The following STK31 variants were observed in gnomAD, a reference collection of about 807,000 sequenced individuals.
The protein encoded by STK31 is serine/threonine-protein kinase 31.
In STK31, 89 loss-of-function variants were observed where a neutral mutation model predicts 129.7. The observed-to-expected ratio is 0.69, with a 90% CI of 0.58 to 0.82. STK31 has a LOEUF of 0.82. Ranked by LOEUF, STK31 falls within the 40% of genes least tolerant of loss-of-function variation. The pLI is 0.00. For synonymous variants in STK31, 448 were observed against 395.3 expected, an observed-to-expected ratio of 1.13 and a Z score of -1.58; for missense variants, 1,187 against 1,176.4, an observed-to-expected ratio of 1.01 and a Z score of -0.13.
chr7:23,718,349 T>C (rs774378241), intron 4 of STK31, among the ~76,000 whole-genome samples: 70 of 152,282 alleles, frequency 4.6e-4, no homozygotes, highest in Middle Eastern at 3.4e-3. Flanking sequence ...TACTGAGTTA[T>C]AACTTGTATA....
intron 7 of STK31, among the ~76,000 whole-genome samples, chr7:23,736,144 A>G (rs73080967): frequency 0.18 from 27,014 of 152,236 alleles, 2,460 homozygotes; most frequent in East Asian, 0.22. Context: ...TTTCATGCCA[A>G]CTATTTGGAA....
rs570947448 is a variant in STK31, at chr7:23,710,422, G to C, written c.50+87G>C. 2.5e-6 allele frequency: 4 copies of C among 1,600,550 alleles called. No homozygotes were observed. The South Asian group carries it at 3.4e-5, about 14-fold the overall frequency. On this transcript the variant is annotated intron_variant, in intron 1 of 23. Coordinates refer to ENST00000355870, the MANE Select transcript of STK31 (RefSeq NM_031414.5). ...GCTTGCGTTTTAAGTCTCCAATCCT[G>C]GGACGAGGCCCATTTCAGGGTTTTC...
intron 22 of STK31, among the ~76,000 whole-genome samples, chr7:23,810,672 TATATAAAATAG>T (rs1424110004): frequency 7.6e-6 from 1 of 130,952 alleles, no homozygotes; most frequent in African/African-American, 2.9e-5. Context: ...ATATATAATA[TATATAAAATAG>T]ATATTATATA....
intron 22 of STK31, among the ~76,000 whole-genome samples, chr7:23,807,142 A>T (rs1792763878): frequency 6.6e-6 from 1 of 151,956 alleles, no homozygotes; most frequent in Non-Finnish European, 1.5e-5. Flanking sequence ...CCATATTTTT[A>T]TTCTTATTCT....
intron 22 of STK31, among the ~76,000 whole-genome samples, chr7:23,812,754 G>T (rs889255729): frequency 2.6e-5 from 4 of 151,454 alleles, no homozygotes; most frequent in Non-Finnish European, 4.4e-5. Flanking sequence ...ACTTATAAGT[G>T]AGAAAATGCA....
intron 22 of STK31, among the ~76,000 whole-genome samples, chr7:23,807,374 A>G (rs1314759080): frequency 2.0e-5 from 3 of 152,264 alleles, no homozygotes; most frequent in South Asian, 2.1e-4. Context: ...AGATTGTGCT[A>G]CTTTCTTTAG....
At chr7:23,770,659 G>T (rs777518185) in intron 13 of STK31, among the ~76,000 whole-genome samples, 2 of 152,036 alleles carry the variant, frequency 1.3e-5, no homozygotes, top group Non-Finnish European at 2.9e-5. Context: ...CTGTCGCCCA[G>T]GCTGGAGTGC....
At chr7:23,720,590 A>G (rs1468264434) in intron 4 of STK31, among the ~76,000 whole-genome samples, 1 of 152,174 alleles carries the variant, frequency 6.6e-6, no homozygotes, top group Non-Finnish European at 1.5e-5. Flanking sequence ...AAAAATACTG[A>G]AAATGTAAAG....
At chr7:23,776,471 T>G (rs1452070487) in intron 15 of STK31, among the ~76,000 whole-genome samples, 1 of 152,218 alleles carries the variant, frequency 6.6e-6, no homozygotes, top group Non-Finnish European at 1.5e-5. Flanking sequence ...GGACTTTTTT[T>G]GGTTGGTAGG....
intron 22 of STK31, among the ~76,000 whole-genome samples, chr7:23,798,443 A>C (rs1185122764): frequency 2.5e-5 from 3 of 121,062 alleles, no homozygotes; most frequent in Admixed American, 9.2e-5. Flanking sequence ...AGGCTGGTTC[A>C]ACATATGCAA....
rs1487085242 is a variant in STK31, at chr7:23,735,545, C to A, written c.491C>A (p.Thr164Asn). The A allele has an allele frequency of 1.3e-6, 2 of 1,593,198 alleles. No homozygotes were observed. The highest frequency in any genetic ancestry group is 2.7e-5 in the African/African-American group (2 of 74,006). ...QEVTQFDQGT[T>N]FLGSLIFEKE... Reference sequence around the variant, plus strand: ...TGTTTTCTTCTTTCTTAGGGCACAACCTTTTTGGGGAGCTTGATTTTTGAA... The same window carrying A: ...TGTTTTCTTCTTTCTTAGGGCACAAACTTTTTGGGGAGCTTGATTTTTGAA... Residue 164 changes from threonine (T) to asparagine (N), a missense_variant, in exon 7 of 24, where the codon ACC (threonine) becomes AAC (asparagine). Thr to Asn is a moderately conservative substitution (Grantham distance 65). This residue lies in a region of STK31 where 103 missense variants were observed against 110.4 expected (regional missense o/e 0.93). Transcript: ENST00000355870.
At chr7:23,724,998 C>T (rs554043394) in intron 4 of STK31, among the ~76,000 whole-genome samples, 1 of 152,254 alleles carries the variant, frequency 6.6e-6, no homozygotes, top group South Asian at 2.1e-4. Context: ...ATTCTTCAGC[C>T]ATTTTTCTCA....
At chr7:23,724,865 T>C (rs908676336) in intron 4 of STK31, among the ~76,000 whole-genome samples, 2 of 152,246 alleles carry the variant, frequency 1.3e-5, no homozygotes, top group Non-Finnish European at 2.9e-5. Context: ...TCTGAATTTA[T>C]GTGTTCTTTA....
intron 6 of STK31, among the ~76,000 whole-genome samples, chr7:23,732,699 TA>T (rs1354095973): frequency 6.6e-6 from 1 of 152,212 alleles, no homozygotes; most frequent in Admixed American, 6.5e-5. Context: ...CATTCAGCTT[TA>T]GGTAATTGAA....
chr7:23,736,384 C>T (rs756058078), intron 7 of STK31, among the ~76,000 whole-genome samples: 106 of 152,054 alleles, frequency 7.0e-4, no homozygotes, highest in Middle Eastern at 3.4e-3. Context: ...TTTAAATTAT[C>T]AACTTGAAGC....
At chr7:23,777,609 T>A (rs1312801490) in intron 15 of STK31, among the ~76,000 whole-genome samples, 4 of 151,568 alleles carry the variant, frequency 2.6e-5, no homozygotes, top group East Asian at 1.9e-4. Context: ...TATTTTTTTT[T>A]ATCTTCGTTG....
intron 4 of STK31, among the ~76,000 whole-genome samples, chr7:23,723,591 C>T (rs1786859938): frequency 6.6e-6 from 1 of 152,168 alleles, no homozygotes; most frequent in Non-Finnish European, 1.5e-5. Flanking sequence ...TCTGATTGTT[C>T]ATAAATGGAT....
chr7:23,830,626 G>A (rs901446911), intron 23 of STK31, among the ~76,000 whole-genome samples: 1 of 146,102 alleles, frequency 6.8e-6, no homozygotes, highest in South Asian at 2.1e-4. Context: ...GTGTGTGTGT[G>A]TGTTGTTTTT....
chr7:23,721,310 T>G (rs1396844389), intron 4 of STK31: 2 of 657,476 alleles, frequency 3.0e-6, no homozygotes, highest in Non-Finnish European at 5.4e-6. Context: ...ATCTAAACTA[T>G]TTGTCTCTAA....
Sources: allele counts gnomAD v4.1 joint callset (sites outside exome capture counted in the v4.1 genomes callset), GRCh38; gene constraint gnomAD v4.1.1; regional missense constraint gnomAD v4.1.1; transcripts MANE v1.5; gene names NCBI Gene and HGNC (gene_info 2026-07-23, HGNC 2026-07-21).